Variants in PTPRM observed in about 807,000 individuals in gnomAD.
The protein encoded by PTPRM is protein tyrosine phosphatase receptor type M.
A neutral mutation model predicts 186.7 loss-of-function variants in PTPRM; 47 were observed. The ratio of observed to expected loss-of-function variants is 0.25; its 90% confidence interval spans 0.20 to 0.32. The LOEUF (loss-of-function observed/expected upper bound fraction) is 0.32, where lower values mean the gene tolerates loss of function less well. Among genes scored for constraint, PTPRM ranks in the 10% least tolerant of loss-of-function variants. The pLI is 1.00. For synonymous variants in PTPRM, 668 were observed against 674.9 expected (o/e 0.99, Z 0.16); for missense variants, 1,494 against 1,865.0 (o/e 0.80, Z 3.66).
chr18:7,990,088 G>C (rs1026121025), intron 7 of PTPRM, among the ~76,000 whole-genome samples: 2 of 152,064 alleles, frequency 1.3e-5, no homozygotes, highest in African/African-American at 4.8e-5. Flanking sequence ...ATTTTTAGTT[G>C]AGATAGAGTT....
intron 8 of PTPRM, among the ~76,000 whole-genome samples, chr18:8,073,421 T>C (rs2089611617): frequency 1.3e-5 from 2 of 152,250 alleles, no homozygotes; most frequent in African/African-American, 2.4e-5. Flanking sequence ...AGGCATGGCC[T>C]GTTTTAGTTC....
chr18:8,247,958 T>C, intron 16 of PTPRM, 39 bp downstream of exon 16: 1 of 1,499,506 alleles, frequency 6.7e-7, no homozygotes, highest in Non-Finnish European at 9.3e-7. Context: ...TGCTCTCTCC[T>C]CAGCAGTCAG....
At chr18:8,269,888 T>A (rs2094748803) in intron 19 of PTPRM, 1 of 152,032 alleles carries the variant, frequency 6.6e-6, no homozygotes, top group South Asian at 2.1e-4. Context: ...AACTTGAAAT[T>A]CTTCAAAGAC....
chr18:8,328,092 TC>T (rs1000750187), intron 22 of PTPRM, among the ~76,000 whole-genome samples: 23 of 152,360 alleles, frequency 1.5e-4, no homozygotes, highest in African/African-American at 5.5e-4. Context: ...TTGTTTTTCT[TC>T]TATCTTTATT....
chr18:8,161,805 A>G (rs1199764156), intron 14 of PTPRM, among the ~76,000 whole-genome samples: 1 of 152,176 alleles, frequency 6.6e-6, no homozygotes, highest in Non-Finnish European at 1.5e-5. Context: ...GATGCATGCA[A>G]ATGGCACCAC....
At chr18:8,062,089 G>A (rs1195484602) in intron 7 of PTPRM, among the ~76,000 whole-genome samples, 1 of 61,674 alleles carries the variant, frequency 1.6e-5, no homozygotes, top group Non-Finnish European at 3.3e-5. Flanking sequence ...TCACTTTCAG[G>A]TACACCAATC....
chr18:8,400,148 G>A lies in PTPRM; in HGVS notation c.4344+5537G>A, dbSNP rs1037699213. 4.6e-5 allele frequency among the ~76,000 whole-genome samples: 7 copies of A among 152,282 alleles called. No individual in the cohort carries two copies. The South Asian group carries it at 6.2e-4, about 14-fold the overall frequency. On this transcript the variant is annotated intron_variant, in intron 32 of 32. Coordinates refer to ENST00000580170, the MANE Select transcript of PTPRM (RefSeq NM_001105244.2). ...GACCAGGTGTAACAGGAACAGCCCC[G>A]TCCACCATCACGTGCCTTGTAAGAT... is the stretch of plus-strand genomic sequence containing the variant.
intron 2 of PTPRM, among the ~76,000 whole-genome samples, chr18:7,885,200 T>C (rs1309581837): frequency 2.0e-5 from 3 of 152,176 alleles, no homozygotes; most frequent in Non-Finnish European, 2.9e-5. Context: ...TCTCTTCTAA[T>C]AGAGACTACT....
intron 13 of PTPRM, among the ~76,000 whole-genome samples, chr18:8,126,015 A>ATTTT (rs1568383678): frequency 1.2e-4 from 3 of 24,104 alleles, no homozygotes; most frequent in Non-Finnish European, 1.8e-4. Context: ...ATATATATAT[A>ATTTT]TATATATATA....
intron 14 of PTPRM, among the ~76,000 whole-genome samples, chr18:8,158,412 T>G (rs2093165593): frequency 1.3e-5 from 2 of 152,232 alleles, no homozygotes; most frequent in Non-Finnish European, 2.9e-5. Context: ...ATATTTTTCT[T>G]GGGATGATCG....
chr18:8,034,822 G>A (rs2148101109), intron 7 of PTPRM, among the ~76,000 whole-genome samples: 1 of 152,232 alleles, frequency 6.6e-6, no homozygotes, highest in Non-Finnish European at 1.5e-5. Flanking sequence ...ATCTCATCCT[G>A]TCTCTGTCCT....
chr18:7,760,583 C>T (rs754392261), intron 1 of PTPRM, among the ~76,000 whole-genome samples: 6 of 152,008 alleles, frequency 3.9e-5, no homozygotes, highest in Admixed American at 2.0e-4. Flanking sequence ...TTTTTATAGA[C>T]AGGACTGAGA....
chr18:7,588,930 A>G (rs971310003), intron 1 of PTPRM, among the ~76,000 whole-genome samples: 2 of 152,110 alleles, frequency 1.3e-5, no homozygotes, highest in Non-Finnish European at 2.9e-5. Context: ...ACTCACTGCA[A>G]CCTCAACCTA....
At chr18:8,012,711 G>A (rs1221128346) in intron 7 of PTPRM, among the ~76,000 whole-genome samples, 1 of 152,168 alleles carries the variant, frequency 6.6e-6, no homozygotes, top group African/African-American at 2.4e-5. Context: ...TCTCATTTGA[G>A]ACCACCGTCA....
chr18:8,022,700 A>G (rs2085310413), intron 7 of PTPRM, among the ~76,000 whole-genome samples: 1 of 152,112 alleles, frequency 6.6e-6, no homozygotes, highest in Admixed American at 6.6e-5. Context: ...AACTTCCTCC[A>G]AGGTGCACAT....
intron 7 of PTPRM, among the ~76,000 whole-genome samples, chr18:7,985,124 CAT>C (rs1469131367): frequency 5.2e-5 from 6 of 116,264 alleles, no homozygotes; most frequent in East Asian, 4.9e-4. Flanking sequence ...TGTATATACA[CAT>C]ATAAATATAT....
chr18:7,609,877 A>G (rs533088255), intron 1 of PTPRM, among the ~76,000 whole-genome samples: 1 of 152,170 alleles, frequency 6.6e-6, no homozygotes, highest in African/African-American at 2.4e-5. Context: ...TTTGCTAATG[A>G]TGGCTGCTAA....
chr18:7,908,438 G>T (rs2050105069), intron 4 of PTPRM, among the ~76,000 whole-genome samples: 1 of 152,012 alleles, frequency 6.6e-6, no homozygotes, highest in African/African-American at 2.4e-5. Flanking sequence ...GCTTTTTATT[G>T]CATGGATTTG....
intron 13 of PTPRM, among the ~76,000 whole-genome samples, chr18:8,135,819 C>A (rs976772839): frequency 6.6e-6 from 1 of 152,160 alleles, no homozygotes; most frequent in African/African-American, 2.4e-5. Context: ...ATGCAATTTG[C>A]TAGGCTCTAC....
Sources: gnomAD v4.1 joint callset for allele counts (sites outside exome capture counted in the v4.1 genomes callset) on GRCh38, gnomAD v4.1.1 for gene constraint, MANE v1.5 for transcripts, NCBI Gene and HGNC (gene_info 2026-07-23, HGNC 2026-07-21) for gene names.